Variants in EPC2 observed in about 807,000 individuals in gnomAD.
EPC2 encodes enhancer of polycomb homolog 2.
EPC2 carries 14 observed loss-of-function variants against 92.1 expected under a neutral mutation model. The ratio of observed to expected loss-of-function variants is 0.15; its 90% CI spans 0.10 to 0.24. The LOEUF is 0.24. EPC2 is among the 10% of genes least tolerant of loss of function. EPC2 has a pLI of 1.00. For missense variants in EPC2, 755 were observed against 971.5 expected (o/e 0.78, Z 2.96); for synonymous variants, 340 against 334.7 (o/e 1.02, Z -0.17).
intron 2 of EPC2, among the ~76,000 whole-genome samples, chr2:148,716,306 G>A (rs1055943341): frequency 6.6e-6 from 1 of 152,164 alleles, no homozygotes; most frequent in African/African-American, 2.4e-5. Flanking sequence ...TCTTGTGCTG[G>A]TTTTCAAGGG....
intron 2 of EPC2, among the ~76,000 whole-genome samples, chr2:148,742,481 G>A (rs1030429726): frequency 2.8e-4 from 42 of 150,616 alleles, no homozygotes; most frequent in African/African-American, 1.0e-3. Flanking sequence ...CTGGGTGTGT[G>A]GTGGCTCATG....
chr2:148,783,438 A>T (rs562280203), intron 11 of EPC2, among the ~76,000 whole-genome samples, 159 bp from the exon 12 acceptor site: 1 of 152,290 alleles, frequency 6.6e-6, no homozygotes, highest in South Asian at 2.1e-4. Flanking sequence ...CCTGCTTCAT[A>T]TGCCAAAAAT....
intron 3 of EPC2, among the ~76,000 whole-genome samples, chr2:148,746,394 C>A (rs1682985248): frequency 6.6e-6 from 1 of 152,024 alleles, no homozygotes; most frequent in Admixed American, 6.6e-5. Flanking sequence ...AACTCAGATC[C>A]ATCCATTTTT....
intron 2 of EPC2, among the ~76,000 whole-genome samples, chr2:148,723,455 C>G (rs1007316325): frequency 6.6e-6 from 1 of 152,140 alleles, no homozygotes; most frequent in Admixed American, 6.5e-5. Context: ...CCAGCCCTCC[C>G]TCTCCCCCAT....
chr2:148,711,958 T>C (rs964758774), intron 2 of EPC2, among the ~76,000 whole-genome samples: 2 of 152,216 alleles, frequency 1.3e-5, no homozygotes, highest in African/African-American at 4.8e-5. Context: ...TTAATCTCTA[T>C]GTGTCTTTAT....
At chr2:148,770,543 A>G (rs1250820027) in intron 8 of EPC2, among the ~76,000 whole-genome samples, 2 of 152,234 alleles carry the variant, frequency 1.3e-5, no homozygotes, top group Non-Finnish European at 2.9e-5. Context: ...TAAGTATAAT[A>G]GACCCTAAAT....
chr2:148,721,868 GTTTC>G (rs1682382087), intron 2 of EPC2, among the ~76,000 whole-genome samples: 1 of 51,880 alleles, frequency 1.9e-5, no homozygotes, highest in South Asian at 6.0e-4. Context: ...TTGTATCTTT[GTTTC>G]TTTTTCTGTT....
At chr2:148,645,516 C>G in intron 1 of EPC2, 1 of 256,026 alleles carries the variant, frequency 3.9e-6, no homozygotes, top group Non-Finnish European at 7.6e-6. Flanking sequence ...CTCTCAGGCG[C>G]GGGGCTAATT....
At chr2:148,645,797 G>A (rs1007449944) in intron 1 of EPC2, among the ~76,000 whole-genome samples, 3 of 151,846 alleles carry the variant, frequency 2.0e-5, no homozygotes, top group Non-Finnish European at 2.9e-5. Context: ...GCCGACCCGA[G>A]CCGGGCGCGG....
intron 2 of EPC2, among the ~76,000 whole-genome samples, chr2:148,716,814 G>A (rs1682271545): frequency 6.6e-6 from 1 of 152,148 alleles, no homozygotes; most frequent in South Asian, 2.1e-4. Flanking sequence ...AGTAGGAATG[G>A]TACCAGCTCT....
At chr2:148,782,976 G>A (rs1287215251) in intron 11 of EPC2, among the ~76,000 whole-genome samples, 1 of 152,160 alleles carries the variant, frequency 6.6e-6, no homozygotes, top group East Asian at 1.9e-4. Context: ...CAAAGGGTCA[G>A]TACACTGACT....
At position 148,786,644 on chromosome 2, in the gene EPC2, C is replaced by G. The variant is rs1683873594; in HGVS notation, c.*267C>G. 1 of 281,818 alleles carries G rather than the reference C, an allele frequency of 3.5e-6. No individual in the cohort carries two copies. Among genetic ancestry groups the G allele is most frequent in the Non-Finnish European group, 6.6e-6 (1 of 151,154 alleles). The allele number at this position is 281,818 out of a possible 1,614,324, so 17.5% of individuals were successfully genotyped here. Reference sequence around the variant, plus strand: ...CATCATGCTTTTGCACTTGAATTTGCAACTGAATGGATTTTAAAAAATAAT... The same window carrying G: ...CATCATGCTTTTGCACTTGAATTTGGAACTGAATGGATTTTAAAAAATAAT... On this transcript the variant is annotated 3_prime_UTR_variant, in exon 14 of 14. Coordinates refer to ENST00000258484, the MANE Select transcript of EPC2 (RefSeq NM_015630.4).
intron 2 of EPC2, among the ~76,000 whole-genome samples, chr2:148,720,671 A>G (rs934560171): frequency 2.0e-5 from 3 of 152,192 alleles, no homozygotes; most frequent in African/African-American, 4.8e-5. Flanking sequence ...GCAAAGATCC[A>G]TGGGAGAAGC....
chr2:148,660,354 G>A (rs1170241330), intron 1 of EPC2, among the ~76,000 whole-genome samples: 1 of 152,160 alleles, frequency 6.6e-6, no homozygotes, highest in East Asian at 1.9e-4. Flanking sequence ...GAGAATGGCA[G>A]CTTGTATTGG....
chr2:148,727,260 G>A (rs1181996710), intron 2 of EPC2, among the ~76,000 whole-genome samples: 1 of 151,986 alleles, frequency 6.6e-6, no homozygotes, highest in Non-Finnish European at 1.5e-5. Flanking sequence ...TTATTTCTGG[G>A]GTTTCTGTTC....
chr2:148,705,707 C>T (rs199775788), intron 2 of EPC2, among the ~76,000 whole-genome samples: 14 of 152,154 alleles, frequency 9.2e-5, no homozygotes, highest in Admixed American at 3.9e-4. Context: ...CCCAAGCAAA[C>T]GGTCTGGAGT....
At chr2:148,778,856 T>C (rs1683698223) in intron 10 of EPC2, among the ~76,000 whole-genome samples, 1 of 152,036 alleles carries the variant, frequency 6.6e-6, no homozygotes, top group African/African-American at 2.4e-5. Flanking sequence ...CATATTGAGA[T>C]TGAGGTGAGG....
At chr2:148,672,617 CG>C (rs1681177482) in intron 1 of EPC2, among the ~76,000 whole-genome samples, 1 of 152,078 alleles carries the variant, frequency 6.6e-6, no homozygotes, top group Non-Finnish European at 1.5e-5. Context: ...TGCTCACCAC[CG>C]CTTAATATTA....
At chr2:148,711,736 A>C (rs1682146832) in intron 2 of EPC2, among the ~76,000 whole-genome samples, 2 of 152,146 alleles carry the variant, frequency 1.3e-5, no homozygotes, top group African/African-American at 2.4e-5. Context: ...CAGTTATATC[A>C]ATTTTTGCCT....
Sources: allele counts gnomAD v4.1 joint callset (sites outside exome capture counted in the v4.1 genomes callset), GRCh38; gene constraint gnomAD v4.1.1; transcripts MANE v1.5; gene names NCBI Gene and HGNC (gene_info 2026-07-23, HGNC 2026-07-21).